The following LRBA variants were observed in gnomAD, a reference collection of about 807,000 sequenced individuals.
LRBA encodes LPS responsive beige-like anchor protein, also known as lipopolysaccharide-responsive and beige-like anchor protein.
Under a neutral mutation model 330.0 loss-of-function variants are expected in LRBA, and 176 were observed. The observed-to-expected ratio is 0.53, with a 90% CI of 0.47 to 0.60. The LOEUF (loss-of-function observed/expected upper bound fraction) is 0.60. Ranked by LOEUF, LRBA falls within the 20% of genes least tolerant of loss-of-function variation. The pLI is 0.00. For missense variants in LRBA, 3,259 were observed against 3,444.8 expected (o/e 0.95, Z 1.35); for synonymous variants, 1,230 against 1,193.0 (o/e 1.03, Z -0.64).
intron 17 of LRBA, among the ~76,000 whole-genome samples, chr4:150,884,433 A>G (rs1181189185): frequency 6.6e-6 from 1 of 152,206 alleles, no homozygotes; most frequent in Non-Finnish European, 1.5e-5. Context: ...GGAAGGCAAG[A>G]GAGACTAGAT....
chr4:150,471,786 A>AAT, intron 42 of LRBA, 47 bp from the exon 43 acceptor site: 1 of 860,264 alleles, frequency 1.2e-6, no homozygotes, highest in Admixed American at 2.1e-5. Context: ...ATATCACAAT[A>AAT]ATAAATCATG....
intron 35 of LRBA, among the ~76,000 whole-genome samples, chr4:150,739,362 A>C (rs1427388057): frequency 6.6e-6 from 1 of 152,124 alleles, no homozygotes; most frequent in Admixed American, 6.6e-5. Context: ...ATTAAAAAAA[A>C]CAGGCAAAAT....
intron 16 of LRBA, among the ~76,000 whole-genome samples, chr4:150,895,431 C>G (rs1729955561): frequency 6.6e-6 from 1 of 152,060 alleles, no homozygotes; most frequent in African/African-American, 2.4e-5. Flanking sequence ...TATCCCTCCC[C>G]GCTACCCCCA....
At chr4:150,508,131 A>G (rs1053631191) in intron 40 of LRBA, among the ~76,000 whole-genome samples, 1 of 148,078 alleles carries the variant, frequency 6.8e-6, no homozygotes. Flanking sequence ...ATGCTAAATG[A>G]CGAGTTAATG....
At chr4:150,726,494 T>C (rs184790947) in intron 36 of LRBA, among the ~76,000 whole-genome samples, 158 of 152,296 alleles carry the variant, frequency 1.0e-3, no homozygotes, top group Non-Finnish European at 1.9e-3. Context: ...CACACTGCTA[T>C]AAAGAACTAC....
At chr4:150,547,470 A>G (rs1032240098) in intron 40 of LRBA, among the ~76,000 whole-genome samples, 1 of 152,184 alleles carries the variant, frequency 6.6e-6, no homozygotes, top group African/African-American at 2.4e-5. Flanking sequence ...CGTTATTCTT[A>G]AAGTCTGCTA....
At chr4:150,510,107 TCCAG>T (rs1336715369) in intron 40 of LRBA, among the ~76,000 whole-genome samples, 1 of 152,048 alleles carries the variant, frequency 6.6e-6, no homozygotes, top group Non-Finnish European at 1.5e-5. Flanking sequence ...GCCACTGCCC[TCCAG>T]CCTGGGCGGC....
intron 33 of LRBA, among the ~76,000 whole-genome samples, chr4:150,805,437 G>T (rs1742526058): frequency 2.3e-5 from 2 of 85,866 alleles, no homozygotes; most frequent in Non-Finnish European, 4.3e-5. Context: ...GGAAAGGAAA[G>T]GAAGGAAAGG....
Position 150,328,534 on chromosome 4 carries a change from C to A in LRBA, c.7363-2636G>T, listed in dbSNP as rs1052697679. 7.4e-4 allele frequency among the ~76,000 whole-genome samples: 113 copies of A among 152,144 alleles called. 2 individuals carry two copies. The highest frequency in any genetic ancestry group is 3.4e-3 in the Middle Eastern group (1 of 294). ...GTTATTCAACTTTACAGGGGTGAAA[C>A]CATCCCTAACAAGCCTCCTCATCAG... is the stretch of plus-strand genomic sequence containing the variant. On this transcript the variant is annotated intron_variant, in intron 48 of 56. Transcript: ENST00000651943.
intron 37 of LRBA, among the ~76,000 whole-genome samples, chr4:150,627,124 C>T (rs1776936592): frequency 6.6e-6 from 1 of 152,008 alleles, no homozygotes; most frequent in South Asian, 2.1e-4. Flanking sequence ...AACTAAAGCA[C>T]ATTTTAAAGC....
At chr4:150,913,697 T>C (rs942584991) in intron 9 of LRBA, among the ~76,000 whole-genome samples, 4 of 152,222 alleles carry the variant, frequency 2.6e-5, no homozygotes, top group African/African-American at 9.6e-5. Context: ...GCTTCATATA[T>C]TTGAGAGCTC....
chr4:150,867,174 T>G (rs144681706), intron 22 of LRBA, among the ~76,000 whole-genome samples: 1 of 151,552 alleles, frequency 6.6e-6, no homozygotes, highest in African/African-American at 2.4e-5. Context: ...CCTGTAAGAT[T>G]AGCACAGGGC....
intron 40 of LRBA, among the ~76,000 whole-genome samples, chr4:150,577,671 T>C (rs552554970): frequency 6.6e-6 from 1 of 152,264 alleles, no homozygotes; most frequent in East Asian, 1.9e-4. Context: ...ATTCTAAAAT[T>C]TGTTTACTCT....
intron 11 of LRBA, 94 bp from the exon 12 acceptor site, chr4:150,906,499 A>C: frequency 1.6e-6 from 1 of 641,620 alleles, no homozygotes; most frequent in Middle Eastern, 3.8e-4. Flanking sequence ...CACCTTAATA[A>C]AAAGTTCTCC....
chr4:150,696,520 G>GT (rs1784629832), intron 36 of LRBA, among the ~76,000 whole-genome samples: 1 of 152,064 alleles, frequency 6.6e-6, no homozygotes, highest in Non-Finnish European at 1.5e-5. Context: ...TCATATAAAG[G>GT]TAACACCTAA....
At chr4:150,496,756 T>C (rs1038058940) in intron 40 of LRBA, among the ~76,000 whole-genome samples, 4 of 152,106 alleles carry the variant, frequency 2.6e-5, no homozygotes, top group African/African-American at 4.8e-5. Flanking sequence ...ATTTTGGTGT[T>C]AAGAATAAAA....
chr4:150,598,646 T>C (rs1561406027), intron 38 of LRBA, among the ~76,000 whole-genome samples: 1 of 152,110 alleles, frequency 6.6e-6, no homozygotes. Flanking sequence ...CCTAGAAACT[T>C]ATCTGGTTTG....
intron 17 of LRBA, among the ~76,000 whole-genome samples, chr4:150,888,843 A>C (rs918811847): frequency 6.6e-6 from 1 of 152,248 alleles, no homozygotes; most frequent in Non-Finnish European, 1.5e-5. Context: ...TGACTTTGTC[A>C]GACTGGATTA....
At chr4:150,842,545 A>C (rs1749247724) in intron 28 of LRBA, among the ~76,000 whole-genome samples, 1 of 152,226 alleles carries the variant, frequency 6.6e-6, no homozygotes, top group South Asian at 2.1e-4. Context: ...AAGTGAACAG[A>C]GGAGAAAACA....
Sources: gnomAD v4.1 joint callset for allele counts (sites outside exome capture counted in the v4.1 genomes callset) on GRCh38, gnomAD v4.1.1 for gene constraint, MANE v1.5 for transcripts, NCBI Gene and HGNC (gene_info 2026-07-23, HGNC 2026-07-21) for gene names.